Variants in LRPPRC observed in about 807,000 individuals in gnomAD.
The protein encoded by LRPPRC is leucine-rich PPR motif-containing protein, mitochondrial.
LRPPRC carries 120 observed loss-of-function variants against 180.3 expected under a neutral mutation model. The ratio of observed to expected loss-of-function variants is 0.67; its 90% confidence interval spans 0.57 to 0.77. The LOEUF (loss-of-function observed/expected upper bound fraction) is 0.77. LRPPRC is among the 30% of genes least tolerant of loss of function. The pLI is 0.00. For synonymous variants in LRPPRC, 723 were observed against 600.0 expected (o/e 1.21, Z -3.00); for missense variants, 2,012 against 1,657.2 (o/e 1.21, Z -3.72).
chr2:43,957,284 GA>G (rs1423691487), intron 14 of LRPPRC, 100 bp downstream of exon 14: 4 of 854,236 alleles, frequency 4.7e-6, no homozygotes, highest in Non-Finnish European at 8.1e-6. Context: ...AATGTACACT[GA>G]AAGATAAGAA....
chr2:43,984,901 A>T (rs1219550702), intron 1 of LRPPRC, among the ~76,000 whole-genome samples: 1 of 152,194 alleles, frequency 6.6e-6, no homozygotes, highest in Non-Finnish European at 1.5e-5. Context: ...GGTTCCTTCC[A>T]GACTCCAGCT....
chr2:43,980,332 T>A (rs1049890625), intron 2 of LRPPRC, among the ~76,000 whole-genome samples: 1 of 152,100 alleles, frequency 6.6e-6, no homozygotes, highest in Non-Finnish European at 1.5e-5. Context: ...GGCAGGCAGA[T>A]CACCTGAGGT....
At chr2:43,987,480 G>A (rs1443453838) in intron 1 of LRPPRC, among the ~76,000 whole-genome samples, 10 of 105,930 alleles carry the variant, frequency 9.4e-5, no homozygotes, top group African/African-American at 4.0e-4. Flanking sequence ...GGGCGACAGA[G>A]CCAGACTCCT....
chr2:43,951,550 T>C (rs1023128833), intron 14 of LRPPRC, among the ~76,000 whole-genome samples: 3 of 152,198 alleles, frequency 2.0e-5, no homozygotes, highest in African/African-American at 4.8e-5. Flanking sequence ...ACGGTGGTTA[T>C]GTTGTTTTAT....
intron 26 of LRPPRC, 38 bp from the exon 27 acceptor site, chr2:43,925,195 A>G (rs1671833631): frequency 9.8e-7 from 1 of 1,019,182 alleles, no homozygotes; most frequent in African/African-American, 1.6e-5. Context: ...TACCTTGTGT[A>G]AAGGATGTAT....
At chr2:43,979,790 A>G (rs771992376) in intron 3 of LRPPRC, 36 bp downstream of exon 3, 3 of 1,601,932 alleles carry the variant, frequency 1.9e-6, no homozygotes, top group Middle Eastern at 1.7e-4. Flanking sequence ...AAACATCTAC[A>G]CCTTTTATAC....
intron 2 of LRPPRC, among the ~76,000 whole-genome samples, 198 bp from the exon 3 acceptor site, chr2:43,980,146 C>G (rs1186022920): frequency 2.6e-5 from 4 of 152,114 alleles, no homozygotes; most frequent in Non-Finnish European, 5.9e-5. Context: ...AGTCTGCTTT[C>G]TTAAGAAATC....
intron 31 of LRPPRC, chr2:43,902,981 C>G (rs888212336): frequency 6.6e-6 from 1 of 152,114 alleles, no homozygotes; most frequent in African/African-American, 2.4e-5. Context: ...ACAGATGAGA[C>G]CCCTGGGCAC....
chr2:43,985,548 G>A (rs745849946), intron 1 of LRPPRC, among the ~76,000 whole-genome samples: 3 of 152,068 alleles, frequency 2.0e-5, no homozygotes, highest in African/African-American at 2.4e-5. Context: ...CTCTAGTTTT[G>A]CCTTTCCCAG....
At chr2:43,966,402 T>G (rs1673560409) in intron 11 of LRPPRC, among the ~76,000 whole-genome samples, 1 of 146,788 alleles carries the variant, frequency 6.8e-6, no homozygotes, top group African/African-American at 2.5e-5. Context: ...TCTCAAGTGT[T>G]CTGGCCACAA....
intron 13 of LRPPRC, among the ~76,000 whole-genome samples, chr2:43,959,777 G>A (rs1673263089): frequency 2.0e-5 from 3 of 152,018 alleles, no homozygotes; most frequent in Non-Finnish European, 1.5e-5. Flanking sequence ...CCAGCTACTC[G>A]GGAGGCTGAG....
chr2:43,892,783 C>T (rs545087964), intron 36 of LRPPRC: 1 of 151,816 alleles, frequency 6.6e-6, no homozygotes, highest in South Asian at 2.1e-4. Flanking sequence ...ATGTGTAAAG[C>T]GTTCCATGTT....
intron 37 of LRPPRC, among the ~76,000 whole-genome samples, chr2:43,888,901 CATGT>C (rs1670373114): frequency 6.6e-6 from 1 of 152,036 alleles, no homozygotes; most frequent in African/African-American, 2.4e-5. Context: ...TATGTGCAAG[CATGT>C]GTGTGTGCAC....
In LRPPRC at chr2:43,918,045, C is replaced by T. The variant is rs1242882641; in HGVS notation, c.3128G>A (p.Cys1043Tyr). The change falls in exon 29 of 38, where the codon TGC (cysteine) becomes TAC (tyrosine). Residue 1043 changes from cysteine to tyrosine, a missense_variant. By Grantham distance (194) the Cys-to-Tyr change is radical. Coordinates refer to ENST00000260665, the MANE Select transcript of LRPPRC (RefSeq NM_133259.4). The stretch of plus-strand genomic sequence containing the variant: ...CTTGCCTTTTTTTTGGTTCAATCGG[C>T]AGGCAATCAATATATCTTTCTGGAA... ...PDFQKDILIA[C>Y]RLNQKKGAYD... 3 of 1,600,128 alleles carry T rather than the reference C, an allele frequency of 1.9e-6. 1 individual carries two copies. Among genetic ancestry groups the T allele is most frequent in the South Asian group, 2.2e-5 (2 of 90,824 alleles).
chr2:43,898,666 C>T (rs886382402), intron 34 of LRPPRC, among the ~76,000 whole-genome samples: 2 of 152,130 alleles, frequency 1.3e-5, no homozygotes, highest in Non-Finnish European at 2.9e-5. Context: ...CCACAGAGAC[C>T]TGCATTTGTC....
At chr2:43,988,538 CAAGA>C (rs1674634070) in intron 1 of LRPPRC, among the ~76,000 whole-genome samples, 1 of 151,946 alleles carries the variant, frequency 6.6e-6, no homozygotes, top group Non-Finnish European at 1.5e-5. Flanking sequence ...CTCCGTCTAA[CAAGA>C]AAGAAAAGAG....
intron 8 of LRPPRC, 129 bp downstream of exon 8, chr2:43,974,485 T>G (rs1673961071): frequency 1.2e-6 from 1 of 825,314 alleles, no homozygotes; most frequent in Admixed American, 2.2e-5. Context: ...TTGGGCTTAT[T>G]TAACTGACTT....
Position 43,912,522 on chromosome 2 carries a change from T to C in LRPPRC, c.3185A>G (p.Asn1062Ser), listed in dbSNP as rs896299064. The change falls in exon 30 of 38, where the codon AAC becomes AGC. Residue 1062 changes from asparagine to serine, a missense_variant. By Grantham distance (46) the Asn-to-Ser change is conservative (BLOSUM62 1). Transcript: ENST00000260665. ...YDIFLNAKEQ[N>S]IVFNAETYSN... ...GTAGGTTTCAGCATTAAACACAATG[T>C]TTTGCTCTTTTGCATTCAGGAAAAT... 1.4e-5 allele frequency: 22 copies of C among 1,606,200 alleles called. No homozygotes were observed. The highest frequency in any genetic ancestry group is 1.8e-5 in the Non-Finnish European group (21 of 1,173,062).
At chr2:43,918,702 T>C (rs1297042744) in intron 27 of LRPPRC, among the ~76,000 whole-genome samples, 1 of 151,104 alleles carries the variant, frequency 6.6e-6, no homozygotes, top group African/African-American at 2.4e-5. Flanking sequence ...ACTGAGAAAG[T>C]GCCTACTGCC....
Sources: allele counts gnomAD v4.1 joint callset (sites outside exome capture counted in the v4.1 genomes callset), GRCh38; gene constraint gnomAD v4.1.1; transcripts MANE v1.5; gene names NCBI Gene and HGNC (gene_info 2026-07-23, HGNC 2026-07-21).